The following KCNMA1 variants were observed in gnomAD, a reference collection of about 807,000 sequenced individuals.
KCNMA1 encodes the protein Calcium-activated potassium channel subunit alpha-1.
Under a neutral mutation model 140.0 loss-of-function variants are expected in KCNMA1, and 29 were observed. That is an observed-to-expected ratio of 0.21 (90% confidence interval 0.15 to 0.28). The LOEUF (loss-of-function observed/expected upper bound fraction) is 0.28, where lower values mean the gene tolerates loss of function less well. Ranked by LOEUF, KCNMA1 falls within the 10% of genes least tolerant of loss-of-function variation. The pLI is 1.00. For missense variants in KCNMA1, 880 were observed against 1,602.2 expected, an observed-to-expected ratio of 0.55 and a Z score of 7.70; for synonymous variants, 612 against 611.9, an observed-to-expected ratio of 1.00 and a Z score of 0.00.
intron 1 of KCNMA1, among the ~76,000 whole-genome samples, chr10:77,570,930 C>CAAAA (rs376767570): frequency 0.095 from 13,718 of 144,784 alleles, 814 homozygotes; most frequent in Middle Eastern, 0.15. Flanking sequence ...GACTCTGTCT[C>CAAAA]AAAAAAAAAA....
chr10:77,420,824 C>G (rs1045595652), intron 1 of KCNMA1, among the ~76,000 whole-genome samples: 1 of 152,206 alleles, frequency 6.6e-6, no homozygotes, highest in Admixed American at 6.5e-5. Flanking sequence ...CTACCCACTT[C>G]TCTCCATCTC....
In KCNMA1 at chr10:77,619,318, C is replaced by G. The variant is rs755783964; in HGVS notation, c.378+17947G>C. Among the ~76,000 whole-genome samples, 66 of 28,992 alleles carry G rather than the reference C, an allele frequency of 2.3e-3. No homozygotes were observed. The African/African-American group carries it at 0.026, about 11-fold the overall frequency. The allele number at this position is 28,992 out of a possible 152,430, so 19.0% of individuals were successfully genotyped here. A position where few individuals can be genotyped will look rare whatever the true frequency, so the allele number is the denominator to read the frequency against. ...GTAGTGTCTCTCTGTCTGTCTGTCT[C>G]TCTCTCTCTCTCTCTCTCTCTCTCT... On this transcript the variant is annotated intron_variant, in intron 1 of 27. Transcript: ENST00000286628.
At position 77,429,397 on chromosome 10, in the gene KCNMA1, C is replaced by T. The variant is rs563957617; in HGVS notation, c.379-25374G>A. ...ATCCAGTAGCTATTCTCCTCCATTC[C>T]ACCCCCATCCTTAATTGTGACAACT... On this transcript the variant is annotated intron_variant, in intron 1 of 27. Coordinates refer to ENST00000286628, the MANE Select transcript of KCNMA1 (RefSeq NM_001161352.2). 1.6e-4 allele frequency among the ~76,000 whole-genome samples: 24 copies of T among 152,284 alleles called. No individual in the cohort carries two copies. In the South Asian group the frequency reaches 2.5e-3, roughly 16 times the overall value.
rs1240131349 is a variant in KCNMA1, at chr10:77,122,933, C to T, written c.809-1885G>A. On this transcript the variant is annotated intron_variant, in intron 5 of 27. Coordinates refer to ENST00000286628, the MANE Select transcript of KCNMA1 (RefSeq NM_001161352.2). ...GTGGCTCATGCCTGTAATCCCAGCA[C>T]TTTGGGAGGCCGAGGCGGGAGGATC... is the stretch of plus-strand genomic sequence containing the variant. 2.6e-5 allele frequency among the ~76,000 whole-genome samples: 4 copies of T among 151,976 alleles called. No individual in the cohort carries two copies. The South Asian group carries it at 8.3e-4, about 32-fold the overall frequency.
At chr10:77,354,205 C>G (rs1322991039) in intron 2 of KCNMA1, among the ~76,000 whole-genome samples, 1 of 152,120 alleles carries the variant, frequency 6.6e-6, no homozygotes, top group Non-Finnish European at 1.5e-5. Flanking sequence ...CATGATGGCA[C>G]GATGGTCTCG....
intron 23 of KCNMA1, among the ~76,000 whole-genome samples, chr10:76,941,799 G>A (rs910759213): frequency 6.6e-6 from 1 of 152,146 alleles, no homozygotes; most frequent in Non-Finnish European, 1.5e-5. Flanking sequence ...CATAATCTGG[G>A]TGGCTGATAG....
intron 2 of KCNMA1, among the ~76,000 whole-genome samples, chr10:77,383,394 T>C (rs971551765): frequency 6.9e-6 from 1 of 143,986 alleles, no homozygotes; most frequent in African/African-American, 2.6e-5. Context: ...CCTGGAGAGA[T>C]GGTTGCTTAA....
At chr10:77,192,205 A>G (rs67078130) in intron 3 of KCNMA1, among the ~76,000 whole-genome samples, 22,719 of 152,172 alleles carry the variant, frequency 0.15, 1,849 homozygotes, top group African/African-American at 0.22. Context: ...GATTGCTAAC[A>G]GAGAGAATGG....
chr10:77,635,322 A>G (rs1402827592), intron 1 of KCNMA1: 1 of 152,224 alleles, frequency 6.6e-6, no homozygotes, highest in Non-Finnish European at 1.5e-5. Flanking sequence ...CCCCAGGTTC[A>G]CAAAAACACC....
chr10:77,180,225 G>A lies in KCNMA1; in HGVS notation c.808+3196C>T, dbSNP rs540421939. 1.1e-4 allele frequency among the ~76,000 whole-genome samples: 16 copies of A among 152,364 alleles called. No individual in the cohort carries two copies. The South Asian group carries it at 3.1e-3, about 30-fold the overall frequency. On this transcript the variant is annotated intron_variant, in intron 5 of 27. Transcript: ENST00000286628. ...TTCCAGGAGAAGGGCAGCCATGCCT[G>A]AAATGCCCCTATTTAATGGGATTAT... is the stretch of plus-strand genomic sequence containing the variant.
chr10:77,610,794 A>C (rs1012399607), intron 1 of KCNMA1, among the ~76,000 whole-genome samples: 8 of 152,262 alleles, frequency 5.3e-5, no homozygotes, highest in African/African-American at 1.9e-4. Context: ...AAATGTAGAT[A>C]ATAATGATGG....
intron 23 of KCNMA1, among the ~76,000 whole-genome samples, chr10:76,927,413 A>T (rs1456191842): frequency 6.6e-6 from 1 of 152,216 alleles, no homozygotes; most frequent in Non-Finnish European, 1.5e-5. Flanking sequence ...GGACTCTCAT[A>T]ATCCAGGCAA....
At chr10:77,315,006 C>G (rs573782031) in intron 2 of KCNMA1, among the ~76,000 whole-genome samples, 1 of 151,106 alleles carries the variant, frequency 6.6e-6, no homozygotes. Context: ...ATGGGATGTA[C>G]TATGATGTTT....
chr10:77,438,213 C>CA (rs1294705844), intron 1 of KCNMA1, among the ~76,000 whole-genome samples: 2 of 152,074 alleles, frequency 1.3e-5, no homozygotes, highest in Non-Finnish European at 2.9e-5. Context: ...CATGGGCCGC[C>CA]ACACCAGAAG....
At chr10:77,288,686 G>A (rs528606355) in intron 2 of KCNMA1, among the ~76,000 whole-genome samples, 71 of 152,272 alleles carry the variant, frequency 4.7e-4, no homozygotes, top group African/African-American at 1.7e-3. Context: ...CAGAAATGCT[G>A]CTTTTAACTA....
intron 3 of KCNMA1, among the ~76,000 whole-genome samples, chr10:77,206,770 A>G (rs1008745530): frequency 6.6e-6 from 1 of 151,332 alleles, no homozygotes. Context: ...ACAAGTAAAT[A>G]AATAAATGGA....
rs535089734 is a variant in KCNMA1 at position 76,932,876 on chromosome 10, C to T, written c.2902+11897G>A. 2.0e-5 allele frequency among the ~76,000 whole-genome samples: 3 copies of T among 152,274 alleles called. No homozygotes were observed. In the East Asian group the frequency reaches 5.8e-4, roughly 29 times the overall value. On this transcript the variant is annotated intron_variant, in intron 23 of 27. Coordinates refer to ENST00000286628, the MANE Select transcript of KCNMA1 (RefSeq NM_001161352.2). Reference sequence around the variant, plus strand: ...AGCTCTCAGGAAGCATTCACAGCTCCCTGGAGCAGAAAGCAGAGATATTTT... The same window carrying T: ...AGCTCTCAGGAAGCATTCACAGCTCTCTGGAGCAGAAAGCAGAGATATTTT...
intron 5 of KCNMA1, among the ~76,000 whole-genome samples, chr10:77,163,599 TG>T (rs1448094067): frequency 6.6e-6 from 1 of 152,228 alleles, no homozygotes; most frequent in African/African-American, 2.4e-5. Flanking sequence ...ACTCACAGTC[TG>T]GGTCTGGAGC....
intron 25 of KCNMA1, among the ~76,000 whole-genome samples, chr10:76,896,447 T>G (rs1018459725): frequency 1.3e-5 from 2 of 152,120 alleles, no homozygotes; most frequent in Admixed American, 6.5e-5. Context: ...TAGAAAAAAT[T>G]TGTGCAGTTA....
Sources: gnomAD v4.1 joint callset for allele counts (sites outside exome capture counted in the v4.1 genomes callset) on GRCh38, gnomAD v4.1.1 for gene constraint, MANE v1.5 for transcripts, NCBI Gene and HGNC (gene_info 2026-07-23, HGNC 2026-07-21) for gene names.